FBXL17: variants seen among roughly 807,000 people sequenced by gnomAD.
FBXL17 encodes F-box/LRR-repeat protein 17.
In FBXL17, 22 loss-of-function variants were observed where a neutral mutation model predicts 66.2. The observed-to-expected ratio is 0.33, with a 90% CI of 0.24 to 0.47. The LOEUF (loss-of-function observed/expected upper bound fraction) is 0.47, where lower values mean the gene tolerates loss of function less well. Ranked by LOEUF, FBXL17 falls within the 20% of genes least tolerant of loss-of-function variation. The probability of loss-of-function intolerance (pLI) is 1.00; values close to 1 mark genes in which losing one functional copy is unlikely to be tolerated. For synonymous variants in FBXL17, 474 were observed against 400.5 expected (o/e 1.18, Z -2.19); for missense variants, 878 against 948.2 (o/e 0.93, Z 0.97).
intron 5 of FBXL17, among the ~76,000 whole-genome samples, chr5:108,215,109 GAGATGAT>G (rs1182178809): frequency 6.6e-6 from 1 of 152,094 alleles, no homozygotes; most frequent in African/African-American, 2.4e-5. Flanking sequence ...ATACATACAT[GAGATGAT>G]AGGCATTTAC....
In FBXL17 at chr5:108,381,747, G is replaced by T. The variant is rs1039594772; in HGVS notation, c.-56C>A. 7.3e-7 allele frequency: 1 copy of T among 1,378,252 alleles called. No individual in the cohort carries two copies. The highest frequency in any genetic ancestry group is 3.6e-5 in the Admixed American group (1 of 27,822). 85.4% of individuals were successfully genotyped at this position (1,378,252 alleles called of 1,614,324 possible). A position where few individuals can be genotyped will look rare whatever the true frequency, so the allele number is the denominator to read the frequency against. ...GGGAGGGAGGGAGACCCAGAGAGGCGGGCTCCCGGCAGCGGGGCAGGCCGC... is the reference window on the plus strand; with the variant it reads ...GGGAGGGAGGGAGACCCAGAGAGGCTGGCTCCCGGCAGCGGGGCAGGCCGC... On this transcript the variant is annotated 5_prime_UTR_variant, in exon 1 of 9. Coordinates refer to ENST00000542267, the MANE Select transcript of FBXL17 (RefSeq NM_001163315.3).
At chr5:108,017,586 G>A (rs1047294806) in intron 7 of FBXL17, among the ~76,000 whole-genome samples, 1 of 152,184 alleles carries the variant, frequency 6.6e-6, no homozygotes, top group African/African-American at 2.4e-5. Flanking sequence ...GCAAAACTAG[G>A]AAGTTAAGTA....
chr5:108,012,254 T>C (rs6891067), intron 7 of FBXL17, among the ~76,000 whole-genome samples: 1,994 of 152,286 alleles, frequency 0.013, 48 homozygotes, highest in African/African-American at 0.045. Context: ...TGAAGAAATA[T>C]ATACACTTTT....
intron 7 of FBXL17, among the ~76,000 whole-genome samples, chr5:107,953,536 T>A (rs1047099577): frequency 6.6e-6 from 1 of 151,740 alleles, no homozygotes; most frequent in Non-Finnish European, 1.5e-5. Flanking sequence ...CTCTCTATCA[T>A]ACAATACTGC....
At chr5:107,970,054 T>C (rs1241926674) in intron 7 of FBXL17, among the ~76,000 whole-genome samples, 1 of 152,186 alleles carries the variant, frequency 6.6e-6, no homozygotes, top group East Asian at 1.9e-4. Flanking sequence ...AACATTTTTG[T>C]CAGCTGAATG....
intron 6 of FBXL17, among the ~76,000 whole-genome samples, chr5:108,122,752 GC>G (rs1163146734): frequency 6.6e-6 from 1 of 152,128 alleles, no homozygotes; most frequent in Non-Finnish European, 1.5e-5. Context: ...TCTGCAAAAA[GC>G]TTTACAGAAA....
chr5:108,316,148 C>G (rs1429647336), intron 4 of FBXL17, among the ~76,000 whole-genome samples: 1 of 151,334 alleles, frequency 6.6e-6, no homozygotes, highest in East Asian at 1.9e-4. Flanking sequence ...TAATAAAACT[C>G]TACCCTTAAG....
At chr5:108,274,173 G>C (rs1467640106) in intron 4 of FBXL17, among the ~76,000 whole-genome samples, 2 of 152,276 alleles carry the variant, frequency 1.3e-5, no homozygotes, top group African/African-American at 2.4e-5. Context: ...CAACTGGTCT[G>C]ACCAAAATTT....
rs151010138 is a variant in FBXL17 at position 108,326,626 on chromosome 5, G to A, written c.1506+21773C>T. ...ACTCTGTCTCCAAAAAAAAGCAAAAGATTTGAAAAGACACTTTACAAAAGA... is the reference window on the plus strand; with the variant it reads ...ACTCTGTCTCCAAAAAAAAGCAAAAAATTTGAAAAGACACTTTACAAAAGA... On this transcript the variant is annotated intron_variant, in intron 4 of 8. Coordinates refer to ENST00000542267, the MANE Select transcript of FBXL17 (RefSeq NM_001163315.3). Among the ~76,000 whole-genome samples the A allele has an allele frequency of 3.0e-3, 461 of 151,778 alleles. 2 individuals carry two copies. Among genetic ancestry groups the A allele is most frequent in the African/African-American group, 0.011 (443 of 41,412 alleles).
chr5:108,247,338 A>T (rs1756148314), intron 4 of FBXL17, among the ~76,000 whole-genome samples: 1 of 152,178 alleles, frequency 6.6e-6, no homozygotes, highest in South Asian at 2.1e-4. Flanking sequence ...GAAAAAAAAA[A>T]TAGGGACAAG....
At chr5:108,211,974 T>C (rs1366630623) in intron 5 of FBXL17, among the ~76,000 whole-genome samples, 2 of 152,198 alleles carry the variant, frequency 1.3e-5, no homozygotes, top group Non-Finnish European at 2.9e-5. Flanking sequence ...CAATCAAACA[T>C]AGATTTGGTC....
At chr5:108,327,131 C>T (rs1759895052) in intron 4 of FBXL17, among the ~76,000 whole-genome samples, 1 of 152,172 alleles carries the variant, frequency 6.6e-6, no homozygotes, top group African/African-American at 2.4e-5. Context: ...CAATGGAATG[C>T]TATTCAGCAA....
chr5:108,191,595 TAGAG>T (rs1425434537), intron 5 of FBXL17, among the ~76,000 whole-genome samples: 2 of 152,220 alleles, frequency 1.3e-5, no homozygotes, highest in Non-Finnish European at 2.9e-5. Context: ...AGATACTTGA[TAGAG>T]AGATGTTGGC....
chr5:108,233,972 G>A (rs1755484111), intron 4 of FBXL17, among the ~76,000 whole-genome samples: 1 of 152,094 alleles, frequency 6.6e-6, no homozygotes. Flanking sequence ...ATCAAATGTA[G>A]GGACAAAAGA....
At chr5:107,899,461 T>G (rs942708962) in intron 7 of FBXL17, among the ~76,000 whole-genome samples, 1 of 152,034 alleles carries the variant, frequency 6.6e-6, no homozygotes, top group Non-Finnish European at 1.5e-5. Context: ...GCGCAAATAG[T>G]GAGACCCTCC....
chr5:107,936,607 C>T (rs1322705857), intron 7 of FBXL17, among the ~76,000 whole-genome samples: 1 of 151,948 alleles, frequency 6.6e-6, no homozygotes, highest in Non-Finnish European at 1.5e-5. Flanking sequence ...TGATGTGTTA[C>T]ACAAAGGCCC....
At chr5:107,930,988 A>G (rs1164889578) in intron 7 of FBXL17, among the ~76,000 whole-genome samples, 1 of 37,228 alleles carries the variant, frequency 2.7e-5, no homozygotes, top group Non-Finnish European at 5.5e-5. Context: ...AAGTAAATAA[A>G]GACATTTTTT....
chr5:107,963,645 A>G (rs1752005662), intron 7 of FBXL17, among the ~76,000 whole-genome samples: 1 of 152,184 alleles, frequency 6.6e-6, no homozygotes. Context: ...TTAGTGATAA[A>G]GTATGTAAAA....
intron 4 of FBXL17, among the ~76,000 whole-genome samples, chr5:108,338,337 C>A (rs1485414026): frequency 2.0e-5 from 3 of 151,994 alleles, no homozygotes; most frequent in Non-Finnish European, 4.4e-5. Flanking sequence ...AATCACCCAA[C>A]TATAGTTCAG....
Sources: allele counts gnomAD v4.1 joint callset (sites outside exome capture counted in the v4.1 genomes callset), GRCh38; gene constraint gnomAD v4.1.1; transcripts MANE v1.5; gene names NCBI Gene and HGNC (gene_info 2026-07-23, HGNC 2026-07-21).